The following DDX60L variants were observed in gnomAD, a reference collection of about 807,000 sequenced individuals.
The protein encoded by DDX60L is DExD/H-box 60 like.
A neutral mutation model predicts 211.6 loss-of-function variants in DDX60L; 191 were observed. The observed-to-expected ratio is 0.90, with a 90% CI of 0.80 to 1.02. The LOEUF (loss-of-function observed/expected upper bound fraction) is 1.02. DDX60L is among the 50% of genes least tolerant of loss of function. DDX60L has a pLI of 0.00. For synonymous variants in DDX60L, 706 were observed against 694.1 expected (o/e 1.02, Z -0.27); for missense variants, 2,007 against 1,984.1 (o/e 1.01, Z -0.22).
At chr4:168,400,044 G>A (rs1388050972) in intron 26 of DDX60L, among the ~76,000 whole-genome samples, 1 of 152,078 alleles carries the variant, frequency 6.6e-6, no homozygotes, top group Non-Finnish European at 1.5e-5. Flanking sequence ...AGGCCCCAGT[G>A]TGTGTTGTTC....
At chr4:168,455,031 A>G (rs1398104039) in intron 7 of DDX60L, among the ~76,000 whole-genome samples, 2 of 151,672 alleles carry the variant, frequency 1.3e-5, no homozygotes, top group Non-Finnish European at 2.9e-5. Flanking sequence ...TCTCTCTCCA[A>G]ATATATTTAT....
At chr4:168,452,460 G>A (rs1755930439) in intron 8 of DDX60L, among the ~76,000 whole-genome samples, 1 of 152,154 alleles carries the variant, frequency 6.6e-6, no homozygotes, top group Non-Finnish European at 1.5e-5. Context: ...CAGCTTGAGT[G>A]AATGGGTACC....
intron 22 of DDX60L, among the ~76,000 whole-genome samples, chr4:168,410,799 G>A (rs1275599957): frequency 6.6e-6 from 1 of 152,156 alleles, no homozygotes. Context: ...ATGTTGGTAG[G>A]AAATGTCTCT....
intron 22 of DDX60L, among the ~76,000 whole-genome samples, chr4:168,413,322 T>TA (rs1444014663): frequency 1.3e-5 from 2 of 151,756 alleles, no homozygotes; most frequent in African/African-American, 2.4e-5. Flanking sequence ...AAAGACACAT[T>TA]AAAAAAAGAA....
chr4:168,466,080 C>T (rs533950323), intron 4 of DDX60L, among the ~76,000 whole-genome samples: 3 of 151,672 alleles, frequency 2.0e-5, no homozygotes, highest in Admixed American at 1.3e-4. Flanking sequence ...ACAGAGCTTA[C>T]AAGAAAAATT....
At chr4:168,459,181 T>C (rs1756972755) in intron 5 of DDX60L, among the ~76,000 whole-genome samples, 1 of 152,030 alleles carries the variant, frequency 6.6e-6, no homozygotes, top group Non-Finnish European at 1.5e-5. Flanking sequence ...GAAAATAAAA[T>C]CATCAATTTA....
intron 8 of DDX60L, among the ~76,000 whole-genome samples, chr4:168,449,637 C>CAAAAAAAAAAAGAA (rs1755410849): frequency 2.2e-5 from 1 of 44,842 alleles, no homozygotes; most frequent in Non-Finnish European, 3.7e-5. Context: ...AACATTAAAA[C>CAAAAAAAAAAAGAA]AAAAAAAAAA....
chr4:168,446,478 G>A (rs1754815085), intron 9 of DDX60L, among the ~76,000 whole-genome samples: 1 of 152,180 alleles, frequency 6.6e-6, no homozygotes, highest in African/African-American at 2.4e-5. Context: ...CAGATTCAAT[G>A]CCATCCCCAT....
chr4:168,428,006 G>C (rs1319220278), intron 13 of DDX60L, among the ~76,000 whole-genome samples: 1 of 152,244 alleles, frequency 6.6e-6, no homozygotes, highest in Non-Finnish European at 1.5e-5. Context: ...AGGAGCAGAG[G>C]TGCACAGCCT....
intron 29 of DDX60L, among the ~76,000 whole-genome samples, chr4:168,386,575 G>GAAAA (rs55835081): frequency 7.0e-6 from 1 of 142,664 alleles, no homozygotes; most frequent in Non-Finnish European, 1.5e-5. Flanking sequence ...ATATGATGTT[G>GAAAA]AAAAAAAAAA....
chr4:168,448,452 CAT>C (rs1755161401), intron 9 of DDX60L, among the ~76,000 whole-genome samples, 184 bp downstream of exon 9: 1 of 152,050 alleles, frequency 6.6e-6, no homozygotes, highest in Admixed American at 6.5e-5. Flanking sequence ...CATAGCATAT[CAT>C]ATCATAGCAT....
chr4:168,421,633 T>C lies in DDX60L; in HGVS notation c.2394+127A>G, dbSNP rs1356024782. On this transcript the variant is annotated intron_variant, in intron 17 of 37. Coordinates refer to ENST00000682922, the MANE Select transcript of DDX60L (RefSeq NM_001012967.3). The stretch of plus-strand genomic sequence containing the variant: ...TCGCGCCACTGCACTCCAGCCTGAG[T>C]GACAGAGCAAGACTCTGTCTCAAAA... The C allele has an allele frequency of 1.1e-5, 14 of 1,285,576 alleles. No homozygotes were observed. In the East Asian group the frequency reaches 3.4e-4, roughly 31 times the overall value. The allele number at this position is 1,285,576 out of a possible 1,614,324, so 79.6% of individuals were successfully genotyped here. A position where few individuals can be genotyped will look rare whatever the true frequency, so the allele number is the denominator to read the frequency against.
At chr4:168,426,387 G>C (rs1053307623) in intron 14 of DDX60L, among the ~76,000 whole-genome samples, 3 of 152,176 alleles carry the variant, frequency 2.0e-5, no homozygotes, top group African/African-American at 7.2e-5. Flanking sequence ...GAGATAAAGA[G>C]CCCAGGTAGA....
At chr4:168,399,064 A>G (rs114728553) in intron 26 of DDX60L, among the ~76,000 whole-genome samples, 2,580 of 152,250 alleles carry the variant, frequency 0.017, 76 homozygotes, top group African/African-American at 0.059. Flanking sequence ...GAGCTGTTCC[A>G]TTTCTCAATA....
chr4:168,448,838 G>A, intron 8 of DDX60L, 59 bp from the exon 9 acceptor site: 1 of 1,494,704 alleles, frequency 6.7e-7, no homozygotes, highest in Non-Finnish European at 9.1e-7. Flanking sequence ...TCATACTCCT[G>A]GTTAACCCCC....
intron 10 of DDX60L, among the ~76,000 whole-genome samples, chr4:168,439,351 C>T (rs768597983): frequency 6.6e-6 from 1 of 152,002 alleles, no homozygotes; most frequent in Non-Finnish European, 1.5e-5. Flanking sequence ...CCAATCATCT[C>T]AAAGTCCCTG....
At position 168,472,531 on chromosome 4, in the gene DDX60L, A is replaced by C; in HGVS notation, c.5-7T>G. The C allele has an allele frequency of 6.3e-7, 1 of 1,580,836 alleles. No individual in the cohort carries two copies. Among genetic ancestry groups the C allele is most frequent in the Non-Finnish European group, 8.6e-7 (1 of 1,161,976 alleles). ...ACTGCATGATCCTTTGACCCTAAAA[A>C]TAAGGAGATTTTTTGAGCCATCAAT... On this transcript the variant is annotated splice_region_variant and splice_polypyrimidine_tract_variant and intron_variant, in intron 2 of 37. Coordinates refer to ENST00000682922, the MANE Select transcript of DDX60L (RefSeq NM_001012967.3).
At chr4:168,416,646 G>T in intron 20 of DDX60L, 36 bp downstream of exon 20, 2 of 1,315,272 alleles carry the variant, frequency 1.5e-6, no homozygotes, top group Non-Finnish European at 1.1e-6. Context: ...TTCAACCACT[G>T]AATATATAAC....
Position 168,457,603 on chromosome 4 carries a change from T to C in DDX60L, c.723+289A>G, listed in dbSNP as rs1561115285. Among the ~76,000 whole-genome samples, 6 of 152,164 alleles carry C rather than the reference T, an allele frequency of 3.9e-5. 1 individual carries two copies. The highest frequency in any genetic ancestry group is 3.9e-4 in the Admixed American group (6 of 15,264). ...ATGATATCTTAGAGCCCTCCTCAAT[T>C]TGAATACTGGAAAATAAACATTACT... On this transcript the variant is annotated intron_variant, in intron 6 of 37. Coordinates refer to ENST00000682922, the MANE Select transcript of DDX60L (RefSeq NM_001012967.3).
Sources: allele counts gnomAD v4.1 joint callset (sites outside exome capture counted in the v4.1 genomes callset), GRCh38; gene constraint gnomAD v4.1.1; transcripts MANE v1.5; gene names NCBI Gene and HGNC (gene_info 2026-07-23, HGNC 2026-07-21).